FBXO40: variants seen among roughly 807,000 people sequenced by gnomAD.
The protein encoded by FBXO40 is F-box only protein 40.
FBXO40 carries 50 observed loss-of-function variants against 49.9 expected under a neutral mutation model. That is an observed-to-expected ratio of 1.00 (90% CI 0.80 to 1.27). FBXO40 has a LOEUF of 1.27. Ranked by LOEUF, FBXO40 falls within the 50% of genes most tolerant of loss-of-function variation. The pLI is 0.00. For missense variants in FBXO40, 895 were observed against 870.1 expected (o/e 1.03, Z -0.36); for synonymous variants, 340 against 320.2 (o/e 1.06, Z -0.66).
At chr3:121,599,296 C>T (rs968462892) in intron 1 of FBXO40, among the ~76,000 whole-genome samples, 3 of 151,808 alleles carry the variant, frequency 2.0e-5, no homozygotes, top group Non-Finnish European at 2.9e-5. Flanking sequence ...GGCAAAACCC[C>T]GTCTCTACTA....
At chr3:121,609,738 G>A (rs1290324401) in intron 1 of FBXO40, among the ~76,000 whole-genome samples, 1 of 152,166 alleles carries the variant, frequency 6.6e-6, no homozygotes, top group African/African-American at 2.4e-5. Flanking sequence ...CATGCAGGTA[G>A]TACTAAAAAG....
chr3:121,611,686 G>T (rs1029449540), intron 1 of FBXO40, among the ~76,000 whole-genome samples: 1 of 152,162 alleles, frequency 6.6e-6, no homozygotes. Flanking sequence ...GACCCTTTAC[G>T]GGTGTCAGGC....
rs766985899 is a variant in FBXO40, at chr3:121,630,024, T to G, written c.*3114T>G. The G allele has an allele frequency of 1.3e-5, 2 of 152,018 alleles. No homozygotes were observed. The highest frequency in any genetic ancestry group is 2.9e-5 in the Non-Finnish European group (2 of 68,006). The allele number at this position is 152,018 out of a possible 1,614,324, so 9.4% of individuals were successfully genotyped here. ...GATCAGCCGAATATGGAGGCTGAGG[T>G]CTGTAGAACTGGGCCAGAGAGGACC... On this transcript the variant is annotated 3_prime_UTR_variant, in exon 4 of 4. Transcript: ENST00000338040.
intron 1 of FBXO40, among the ~76,000 whole-genome samples, chr3:121,615,973 A>G (rs1489843751): frequency 6.6e-6 from 1 of 152,118 alleles, no homozygotes; most frequent in African/African-American, 2.4e-5. Flanking sequence ...CCTTTAACAT[A>G]ATCACTTCTC....
chr3:121,626,826 T>C lies in FBXO40; in HGVS notation c.2046T>C (p.Thr682=), dbSNP rs2049063993. The C allele has an allele frequency of 1.2e-6, 2 of 1,614,172 alleles. No individual in the cohort carries two copies. The highest frequency in any genetic ancestry group is 1.7e-6 in the Non-Finnish European group (2 of 1,180,032). The change falls in exon 4 of 4, where the codon ACT becomes ACC. Residue 682 remains threonine, a synonymous_variant. Transcript: ENST00000338040. ...ACAAAACTGACCCGATTCTTTTGACTAGCATGTGTCAGCCCCGTGAGCAGG... is the reference window on the plus strand; with the variant it reads ...ACAAAACTGACCCGATTCTTTTGACCAGCATGTGTCAGCCCCGTGAGCAGG... The part of the protein sequence containing the change: ...VEHKTDPILL[T]SMCQPREQAR...
At chr3:121,605,121 C>T (rs1053445851) in intron 1 of FBXO40, among the ~76,000 whole-genome samples, 2 of 152,048 alleles carry the variant, frequency 1.3e-5, no homozygotes, top group African/African-American at 4.8e-5. Context: ...TACTGGTGTG[C>T]ACCACCACAC....
At chr3:121,596,797 A>G (rs2048875204) in intron 1 of FBXO40, among the ~76,000 whole-genome samples, 1 of 152,132 alleles carries the variant, frequency 6.6e-6, no homozygotes, top group South Asian at 2.1e-4. Flanking sequence ...AGCCCCAATT[A>G]GCATACATCT....
At chr3:121,626,573 C>T in intron 3 of FBXO40, 122 bp from the exon 4 acceptor site, 5 of 876,466 alleles carry the variant, frequency 5.7e-6, no homozygotes, top group Non-Finnish European at 9.2e-6. Context: ...GCAGGAGCCA[C>T]TAAACACTCT....
chr3:121,616,214 G>A (rs1215612621), intron 1 of FBXO40, among the ~76,000 whole-genome samples: 2 of 152,158 alleles, frequency 1.3e-5, no homozygotes, highest in Non-Finnish European at 2.9e-5. Context: ...GCTATTAGGA[G>A]TATAGAGCAC....
rs2049067279 is a variant in FBXO40, at chr3:121,627,243, G to C, written c.*333G>C. The C allele has an allele frequency of 3.1e-6, 1 of 326,022 alleles. No homozygotes were observed. Among genetic ancestry groups the C allele is most frequent in the African/African-American group, 2.1e-5 (1 of 46,892 alleles). The allele number at this position is 326,022 out of a possible 1,614,324, so 20.2% of individuals were successfully genotyped here. A position where few individuals can be genotyped will look rare whatever the true frequency, so the allele number is the denominator to read the frequency against. On this transcript the variant is annotated 3_prime_UTR_variant, in exon 4 of 4. Transcript: ENST00000338040. ...GGGCCCAATTTCTTAAGTGATGAGA[G>C]AGCACGAAATTCCATAACCAGTACA... is the stretch of plus-strand genomic sequence containing the variant.
chr3:121,610,670 T>G (rs918953115), intron 1 of FBXO40, among the ~76,000 whole-genome samples: 5 of 152,170 alleles, frequency 3.3e-5, no homozygotes, highest in Non-Finnish European at 7.3e-5. Context: ...GACGGAGTCT[T>G]ACTCTGTTGC....
At chr3:121,595,867 A>C (rs1391241558) in intron 1 of FBXO40, among the ~76,000 whole-genome samples, 1 of 152,186 alleles carries the variant, frequency 6.6e-6, no homozygotes, top group Non-Finnish European at 1.5e-5. Flanking sequence ...TTTAACTTTT[A>C]ACCTTGTCAC....
At position 121,623,277 on chromosome 3, in the gene FBXO40, G is replaced by A; in HGVS notation, c.1848G>A (p.Met616Ile). Reference sequence around the variant, plus strand: ...CCACTTTGTTACAAGAGAGAGGAATGGTCCTTTTGCAATGGAAGAAAAAGA... The same window carrying A: ...CCACTTTGTTACAAGAGAGAGGAATAGTCCTTTTGCAATGGAAGAAAAAGA... ...ICATLLQERGMVLLQWKKKRY... is the reference protein window; with the variant it reads ...ICATLLQERGIVLLQWKKKRY... Residue 616 changes from methionine (M) to isoleucine (I), a missense_variant, in exon 3 of 4, where the codon ATG becomes ATA. By Grantham distance (10) the Met-to-Ile change is conservative. Coordinates refer to ENST00000338040, the MANE Select transcript of FBXO40 (RefSeq NM_016298.4). 1.5e-5 allele frequency: 25 copies of A among 1,614,190 alleles called. No homozygotes were observed. The highest frequency in any genetic ancestry group is 2.1e-5 in the Non-Finnish European group (25 of 1,180,040).
intron 3 of FBXO40, among the ~76,000 whole-genome samples, chr3:121,625,579 C>T (rs903601544): frequency 3.9e-5 from 6 of 152,102 alleles, no homozygotes; most frequent in African/African-American, 1.2e-4. Flanking sequence ...TAACACACTG[C>T]CTTCAGGAAT....
chr3:121,620,507 T>A (rs7640859), intron 1 of FBXO40, 39 bp from the exon 2 acceptor site: 3 of 1,592,888 alleles, frequency 1.9e-6, no homozygotes, highest in African/African-American at 2.7e-5. Context: ...AACCTAACTG[T>A]TTTTCTTACT....
intron 3 of FBXO40, among the ~76,000 whole-genome samples, chr3:121,623,859 T>A (rs1231055961): frequency 4.6e-5 from 7 of 151,598 alleles, no homozygotes; most frequent in African/African-American, 1.7e-4. Flanking sequence ...CAGCTAATTT[T>A]GTATTTTTAG....
chr3:121,600,099 C>T (rs1192122667), intron 1 of FBXO40, among the ~76,000 whole-genome samples: 1 of 150,874 alleles, frequency 6.6e-6, no homozygotes, highest in Non-Finnish European at 1.5e-5. Context: ...GGCATGATCA[C>T]GGCTCACTGT....
At position 121,627,104 on chromosome 3, in the gene FBXO40, G is replaced by C; in HGVS notation, c.*194G>C. 2 of 563,334 alleles carry C rather than the reference G, an allele frequency of 3.6e-6. No individual in the cohort carries two copies. The highest frequency in any genetic ancestry group is 6.3e-6 in the Non-Finnish European group (2 of 318,172). 34.9% of individuals were successfully genotyped at this position (563,334 alleles called of 1,614,324 possible). ...TTCCTAAGCCATGTCTTGTACCATA[G>C]TGCCACATTGATGACTTGTTTCCTT... On this transcript the variant is annotated 3_prime_UTR_variant, in exon 4 of 4. Transcript: ENST00000338040.
At chr3:121,609,798 A>T (rs2048954650) in intron 1 of FBXO40, among the ~76,000 whole-genome samples, 1 of 152,272 alleles carries the variant, frequency 6.6e-6, no homozygotes, top group Non-Finnish European at 1.5e-5. Context: ...GGATAAGGAA[A>T]GTGGCATTTC....
Sources: gnomAD v4.1 joint callset for allele counts (sites outside exome capture counted in the v4.1 genomes callset) on GRCh38, gnomAD v4.1.1 for gene constraint, MANE v1.5 for transcripts, NCBI Gene and HGNC (gene_info 2026-07-23, HGNC 2026-07-21) for gene names.